KCNN3: variants seen among roughly 807,000 people sequenced by gnomAD.
KCNN3 encodes the protein small conductance calcium-activated potassium channel protein 3.
In KCNN3, 16 loss-of-function variants were observed where a neutral mutation model predicts 62.9. The observed-to-expected ratio is 0.25, with a 90% CI of 0.17 to 0.39. KCNN3 has a LOEUF of 0.39. Among genes scored for constraint, KCNN3 ranks in the 10% least tolerant of loss-of-function variants. The pLI, the probability that KCNN3 is intolerant of heterozygous loss-of-function variation, is 1.00. For synonymous variants in KCNN3, 370 were observed against 389.2 expected, an observed-to-expected ratio of 0.95 and a Z score of 0.58; for missense variants, 599 against 949.4, an observed-to-expected ratio of 0.63 and a Z score of 4.85.
chr1:154,826,090 AAAAAC>A (rs1374906557), intron 1 of KCNN3, among the ~76,000 whole-genome samples: 2,550 of 147,992 alleles, frequency 0.017, 177 homozygotes, highest in African/African-American at 0.062. Flanking sequence ...CAAAAACAAA[AAAAAC>A]CAAAAAACAC....
chr1:154,730,511 G>A (rs1356412979), intron 4 of KCNN3, among the ~76,000 whole-genome samples: 1 of 152,282 alleles, frequency 6.6e-6, no homozygotes, highest in South Asian at 2.1e-4. Flanking sequence ...GAGGGGAAAG[G>A]ATCCTCAGCA....
At chr1:154,791,175 G>A (rs1279224029) in intron 2 of KCNN3, among the ~76,000 whole-genome samples, 1 of 144,914 alleles carries the variant, frequency 6.9e-6, no homozygotes, top group Non-Finnish European at 1.5e-5. Context: ...GTTGCAGCGA[G>A]TCAAGATCGC....
At chr1:154,755,602 AGGGG>A (rs1164881344) in intron 3 of KCNN3, among the ~76,000 whole-genome samples, 1 of 72,268 alleles carries the variant, frequency 1.4e-5, no homozygotes, top group African/African-American at 5.9e-5. Context: ...GGAGGGAGGG[AGGGG>A]GAGGGAGGGA....
rs1165052210 is a variant in KCNN3 at position 154,703,323 on chromosome 1, G to A, written c.*4653C>T. The A allele has an allele frequency of 6.6e-6, 1 of 152,086 alleles. No homozygotes were observed. Among genetic ancestry groups the A allele is most frequent in the Non-Finnish European group, 1.5e-5 (1 of 68,032 alleles). The allele number at this position is 152,086 out of a possible 1,614,324, so 9.4% of individuals were successfully genotyped here. ...ATTTTGGCGGCAGTAGAGAAGGAAA[G>A]GATACTGTCTGGGGCGTCATCAAGC... On this transcript the variant is annotated 3_prime_UTR_variant, in exon 8 of 8. Transcript: ENST00000271915.
At chr1:154,732,915 G>C in intron 4 of KCNN3, 88 bp downstream of exon 4, 2 of 1,481,492 alleles carry the variant, frequency 1.3e-6, no homozygotes, top group South Asian at 2.3e-5. Flanking sequence ...CCGCTCTGCG[G>C]CTAGGAAGGC....
chr1:154,794,466 T>C (rs925596638), intron 2 of KCNN3, among the ~76,000 whole-genome samples: 1 of 152,322 alleles, frequency 6.6e-6, no homozygotes, highest in Non-Finnish European at 1.5e-5. Flanking sequence ...TGCTGCAAGA[T>C]CAGTCTTGCT....
intron 2 of KCNN3, among the ~76,000 whole-genome samples, chr1:154,791,408 C>T (rs1310370970): frequency 2.0e-5 from 3 of 151,934 alleles, no homozygotes; most frequent in African/African-American, 7.3e-5. Context: ...CTGCCCGCGA[C>T]AGCTCAGCAG....
At chr1:154,807,840 AG>A (rs1650244279) in intron 2 of KCNN3, among the ~76,000 whole-genome samples, 1 of 151,894 alleles carries the variant, frequency 6.6e-6, no homozygotes, top group Non-Finnish European at 1.5e-5. Flanking sequence ...TTGGGGTGGG[AG>A]GGGTGTTTTT....
At chr1:154,726,176 A>G (rs1700458487) in intron 4 of KCNN3, 150 bp from the exon 5 acceptor site, 3 of 634,142 alleles carry the variant, frequency 4.7e-6, no homozygotes, top group Non-Finnish European at 8.5e-6. Context: ...CCAAGCCACA[A>G]AAATCTGTTG....
intron 3 of KCNN3, among the ~76,000 whole-genome samples, chr1:154,741,921 A>G (rs918379966): frequency 5.9e-5 from 9 of 152,212 alleles, no homozygotes; most frequent in Non-Finnish European, 1.2e-4. Flanking sequence ...TGAGCTGTGA[A>G]CCCTGTGCTT....
chr1:154,714,081 T>G, intron 6 of KCNN3, among the ~76,000 whole-genome samples: 1 of 96,750 alleles, frequency 1.0e-5, no homozygotes, highest in Non-Finnish European at 2.1e-5. Flanking sequence ...TTGTGTGTGG[T>G]GTTTGTGTGT....
At chr1:154,755,882 A>G (rs577461224) in intron 3 of KCNN3, among the ~76,000 whole-genome samples, 1 of 132,656 alleles carries the variant, frequency 7.5e-6, no homozygotes, top group Admixed American at 7.6e-5. Context: ...GAAGATGAGG[A>G]GGAAGAGGAG....
At chr1:154,863,179 C>T (rs1652829934) in intron 1 of KCNN3, among the ~76,000 whole-genome samples, 1 of 152,168 alleles carries the variant, frequency 6.6e-6, no homozygotes, top group Non-Finnish European at 1.5e-5. Flanking sequence ...TGCTCCTCCC[C>T]TCCTTTCCCT....
At chr1:154,760,874 C>A (rs1310857397) in intron 3 of KCNN3, among the ~76,000 whole-genome samples, 1 of 152,264 alleles carries the variant, frequency 6.6e-6, no homozygotes, top group East Asian at 1.9e-4. Flanking sequence ...GCACTCCGGC[C>A]CCGCAAAGGC....
At chr1:154,755,715 G>GGAAGAAGGAAAAGGAGAA (rs1553231050) in intron 3 of KCNN3, among the ~76,000 whole-genome samples, 2 of 149,794 alleles carry the variant, frequency 1.3e-5, no homozygotes, top group Non-Finnish European at 3.0e-5. Flanking sequence ...AAGAGGAAGA[G>GGAAGAAGGAAAAGGAGAA]GAAGAAGGAA....
rs960044887 is a variant in KCNN3 at position 154,706,177 on chromosome 1, T to C, written c.*1799A>G. 2 of 152,204 alleles carry C rather than the reference T, an allele frequency of 1.3e-5. No homozygotes were observed. Among genetic ancestry groups the C allele is most frequent in the Non-Finnish European group, 2.9e-5 (2 of 68,054 alleles). 9.4% of individuals were successfully genotyped at this position (152,204 alleles called of 1,614,324 possible). On this transcript the variant is annotated 3_prime_UTR_variant, in exon 8 of 8. Transcript: ENST00000271915. Reference sequence around the variant, plus strand: ...AGAAAGAAGAGGGTTAGCAAGAGACTAGATCTTCCTGAAAAAGTGGCCTTG... The same window carrying C: ...AGAAAGAAGAGGGTTAGCAAGAGACCAGATCTTCCTGAAAAAGTGGCCTTG...
intron 3 of KCNN3, among the ~76,000 whole-genome samples, chr1:154,751,330 T>C (rs1647367684): frequency 1.3e-5 from 2 of 152,124 alleles, no homozygotes; most frequent in African/African-American, 4.8e-5. Flanking sequence ...CCCACTCCCA[T>C]TCTCGGGACA....
At chr1:154,838,513 C>T (rs941745712) in intron 1 of KCNN3, among the ~76,000 whole-genome samples, 1 of 152,202 alleles carries the variant, frequency 6.6e-6, no homozygotes, top group Non-Finnish European at 1.5e-5. Context: ...TCTAGCCATA[C>T]CGAGTTGCTC....
chr1:154,809,249 C>T lies in KCNN3; in HGVS notation c.1029+12840G>A, dbSNP rs1650303806. Among the ~76,000 whole-genome samples, 1 of 152,230 alleles carries T rather than the reference C, an allele frequency of 6.6e-6. No individual in the cohort carries two copies. The highest frequency in any genetic ancestry group is 2.4e-5 in the African/African-American group (1 of 41,462). ...CCCAGCAGCCAAGCCCCAGCACCAG[C>T]AGCCACGCTTTCATTTCACAGACTG... On this transcript the variant is annotated intron_variant, in intron 2 of 7. Transcript: ENST00000271915. The surrounding 1 kb of genome is among the most constrained non-coding windows in gnomAD (Gnocchi z 4.3).
Sources: gnomAD v4.1 joint callset for allele counts (sites outside exome capture counted in the v4.1 genomes callset) on GRCh38, gnomAD v4.1.1 for gene constraint, Gnocchi (gnomAD v3.1) non-coding constraint, MANE v1.5 for transcripts, NCBI Gene and HGNC (gene_info 2026-07-23, HGNC 2026-07-21) for gene names.